MDFIC2: variants seen among roughly 807,000 people sequenced by gnomAD.
MDFIC2 encodes myoD family inhibitor domain-containing protein 2.
At chr3:70,291,912 C>G (rs956517953) in intron 2 of MDFIC2, 2 of 152,200 alleles carry the variant, frequency 1.3e-5, no homozygotes, top group Non-Finnish European at 2.9e-5. Flanking sequence ...TCTTTCGCCT[C>G]TTACTTAAAT....
chr3:70,205,203 T>C (rs1004702713), intron 3 of MDFIC2: 9 of 152,120 alleles, frequency 5.9e-5, no homozygotes, highest in Non-Finnish European at 8.8e-5. Flanking sequence ...CTTGGAAAAC[T>C]TCAATATCTG....
intron 2 of MDFIC2, among the ~76,000 whole-genome samples, chr3:70,241,694 A>G (rs960998915): frequency 6.6e-6 from 1 of 152,188 alleles, no homozygotes; most frequent in South Asian, 2.1e-4. Flanking sequence ...GTGTTCAATC[A>G]TGTCCTGCTG....
At chr3:70,299,957 G>A (rs1028162974) in intron 2 of MDFIC2, among the ~76,000 whole-genome samples, 1 of 151,968 alleles carries the variant, frequency 6.6e-6, no homozygotes, top group Non-Finnish European at 1.5e-5. Flanking sequence ...CGTAGCTATC[G>A]TTCTCTGAAA....
At position 70,273,512 on chromosome 3, in the gene MDFIC2, T is replaced by TA. The variant is rs1347607678; in HGVS notation, c.88+38373dup. 2.0e-5 allele frequency among the ~76,000 whole-genome samples: 3 copies of TA among 152,014 alleles called. No homozygotes were observed. The East Asian group carries it at 5.8e-4, about 29-fold the overall frequency. On this transcript the variant is annotated intron_variant, in intron 2 of 3. Transcript: ENST00000567252. Reference sequence around the variant, plus strand: ...CCCTAAAACAGTAAACTCCAGATAATACAGTTATATCACCTAATTGGGAAA... The same window carrying TA: ...CCCTAAAACAGTAAACTCCAGATAATAACAGTTATATCACCTAATTGGGAAA...
At chr3:70,279,607 C>G (rs1702061130) in intron 2 of MDFIC2, among the ~76,000 whole-genome samples, 1 of 152,162 alleles carries the variant, frequency 6.6e-6, no homozygotes, top group East Asian at 1.9e-4. Flanking sequence ...GGGTTGAAGG[C>G]TCAGATTTGC....
intron 2 of MDFIC2, among the ~76,000 whole-genome samples, chr3:70,298,971 C>T (rs1031543615): frequency 6.6e-6 from 1 of 152,120 alleles, no homozygotes; most frequent in Admixed American, 6.5e-5. Context: ...TAAGCTGAGG[C>T]ATTGATGTGC....
intron 2 of MDFIC2, among the ~76,000 whole-genome samples, chr3:70,292,557 T>C (rs1258000571): frequency 6.6e-6 from 1 of 152,168 alleles, no homozygotes; most frequent in African/African-American, 2.4e-5. Flanking sequence ...GGATAGTTTA[T>C]AAACTTGTAA....
intron 2 of MDFIC2, among the ~76,000 whole-genome samples, chr3:70,278,401 A>G (rs895045358): frequency 6.6e-6 from 1 of 152,162 alleles, no homozygotes; most frequent in African/African-American, 2.4e-5. Flanking sequence ...TTTGGTTGAC[A>G]TAAACACTGG....
chr3:70,293,272 C>T (rs920139435), intron 2 of MDFIC2, among the ~76,000 whole-genome samples: 17 of 151,678 alleles, frequency 1.1e-4, no homozygotes, highest in African/African-American at 3.6e-4. Flanking sequence ...CATAGTATTA[C>T]AAAGAAAAAC....
chr3:70,242,438 A>G (rs927784718), intron 2 of MDFIC2, among the ~76,000 whole-genome samples: 1 of 152,186 alleles, frequency 6.6e-6, no homozygotes, highest in African/African-American at 2.4e-5. Flanking sequence ...ATGAAATCTC[A>G]GTGGCCCATA....
At chr3:70,303,743 G>A (rs1702372881) in intron 2 of MDFIC2, among the ~76,000 whole-genome samples, 1 of 152,138 alleles carries the variant, frequency 6.6e-6, no homozygotes, top group South Asian at 2.1e-4. Flanking sequence ...GTGCAGTGGT[G>A]TGATCCTGGC....
chr3:70,287,301 A>G (rs1287514298), intron 2 of MDFIC2, among the ~76,000 whole-genome samples: 19 of 145,046 alleles, frequency 1.3e-4, no homozygotes, highest in Admixed American at 1.1e-3. Flanking sequence ...CCTTTTCTGC[A>G]TCTATTGAGA....
At chr3:70,309,722 A>G (rs1187777781) in intron 2 of MDFIC2, among the ~76,000 whole-genome samples, 1 of 152,198 alleles carries the variant, frequency 6.6e-6, no homozygotes, top group Admixed American at 6.5e-5. Context: ...ACTCATCCTG[A>G]TAATTCCCAA....
intron 2 of MDFIC2, among the ~76,000 whole-genome samples, chr3:70,214,238 C>T (rs962484529): frequency 1.3e-5 from 2 of 152,132 alleles, no homozygotes; most frequent in African/African-American, 4.8e-5. Flanking sequence ...TTTCAAATGG[C>T]AGCTCTGGTT....
chr3:70,301,226 C>G (rs1702345878), intron 2 of MDFIC2, among the ~76,000 whole-genome samples: 1 of 151,848 alleles, frequency 6.6e-6, no homozygotes, highest in Non-Finnish European at 1.5e-5. Context: ...TTGTTTTAGC[C>G]CAAACCTACT....
intron 2 of MDFIC2, among the ~76,000 whole-genome samples, chr3:70,245,432 A>G (rs1701697612): frequency 1.3e-5 from 2 of 151,578 alleles, no homozygotes; most frequent in African/African-American, 4.8e-5. Flanking sequence ...GGAAAATCAC[A>G]AACTTGACTT....
chr3:70,296,914 T>C (rs1050429782), intron 2 of MDFIC2, among the ~76,000 whole-genome samples: 3 of 152,032 alleles, frequency 2.0e-5, no homozygotes, highest in Admixed American at 2.0e-4. Flanking sequence ...AACTTTCATA[T>C]GGCTAATAAA....
intron 2 of MDFIC2, among the ~76,000 whole-genome samples, chr3:70,295,520 T>C (rs932270943): frequency 6.6e-6 from 1 of 151,864 alleles, no homozygotes; most frequent in Admixed American, 6.6e-5. Flanking sequence ...CTGGGAAACA[T>C]AGTGAGATCC....
At chr3:70,208,871 G>A (rs555589638) in intron 2 of MDFIC2, among the ~76,000 whole-genome samples, 53 of 152,034 alleles carry the variant, frequency 3.5e-4, no homozygotes, top group African/African-American at 1.2e-3. Flanking sequence ...TTATGTGCTG[G>A]CTTTAAATTT....
Sources: allele counts gnomAD v4.1 joint callset (sites outside exome capture counted in the v4.1 genomes callset), GRCh38; gene constraint gnomAD v4.1.1; transcripts MANE v1.5; gene names NCBI Gene and HGNC (gene_info 2026-07-23, HGNC 2026-07-21).